The following CACNA1H variants were observed in gnomAD, a reference collection of about 807,000 sequenced individuals.
CACNA1H encodes the protein voltage-dependent T-type calcium channel subunit alpha-1H.
CACNA1H carries 149 observed loss-of-function variants against 192.5 expected under a neutral mutation model. The observed-to-expected ratio is 0.77, with a 90% CI of 0.68 to 0.89. CACNA1H has a LOEUF of 0.89. Ranked by LOEUF, CACNA1H falls within the 40% of genes least tolerant of loss-of-function variation. The probability of loss-of-function intolerance (pLI) is 0.00; values close to 1 mark genes in which losing one functional copy is unlikely to be tolerated. For missense variants in CACNA1H, 4,257 were observed against 3,423.5 expected, an observed-to-expected ratio of 1.24 and a Z score of -6.08; for synonymous variants, 2,202 against 1,475.2, an observed-to-expected ratio of 1.49 and a Z score of -11.29.
In CACNA1H at chr16:1,204,518, C is replaced by T. The variant is rs369811768; in HGVS notation, c.2451+60C>T. The T allele has an allele frequency of 8.3e-5, 113 of 1,366,750 alleles. 3 individuals carry two copies. Among genetic ancestry groups the T allele is most frequent in the East Asian group, 6.6e-4 (28 of 42,740 alleles). 84.7% of individuals were successfully genotyped at this position (1,366,750 alleles called of 1,614,324 possible). Reference sequence around the variant, plus strand: ...GTCAGGCTTGCAGGGCCTGGGGAGTCTCAGGAGGCTTCCAGCAGCCCCGAT... The same window carrying T: ...GTCAGGCTTGCAGGGCCTGGGGAGTTTCAGGAGGCTTCCAGCAGCCCCGAT... On this transcript the variant is annotated intron_variant, in intron 10 of 34. Coordinates refer to ENST00000348261, the MANE Select transcript of CACNA1H (RefSeq NM_021098.3).
chr16:1,158,494 C>T (rs1354191310), intron 2 of CACNA1H, among the ~76,000 whole-genome samples: 1 of 152,200 alleles, frequency 6.6e-6, no homozygotes, highest in Admixed American at 6.5e-5. Context: ...CATTCCCTCC[C>T]CTTCATGGAA....
At chr16:1,209,968 A>G in intron 17 of CACNA1H, 67 bp from the exon 18 acceptor site, 6 of 1,210,288 alleles carry the variant, frequency 5.0e-6, no homozygotes, top group Non-Finnish European at 7.0e-6. Flanking sequence ...AGCTGAGCAC[A>G]GAGGGCCCTG....
At chr16:1,197,141 C>T (rs985048388) in intron 5 of CACNA1H, among the ~76,000 whole-genome samples, 3 of 152,234 alleles carry the variant, frequency 2.0e-5, no homozygotes, top group Admixed American at 6.5e-5. Flanking sequence ...TGCCTTCCAC[C>T]TGCCTGCCTT....
In CACNA1H at chr16:1,210,631, G is replaced by A. The variant is rs747265858; in HGVS notation, c.4018G>A (p.Val1340Met). ...VSNYIFTAIFVAEMMVKVVAL... is the reference protein window; with the variant it reads ...VSNYIFTAIFMAEMMVKVVAL... ...CAATTACATCTTCACGGCCATCTTC[G>A]TGGCGGAGATGATGGTGAAGGTACC... The change falls in exon 20 of 35, where the codon GTG (valine) becomes ATG (methionine). Residue 1340 changes from valine (V) to methionine (M), a missense_variant. Val to Met is a conservative substitution (Grantham distance 21, BLOSUM62 1). Coordinates refer to ENST00000348261, the MANE Select transcript of CACNA1H (RefSeq NM_021098.3). 70 of 1,605,628 alleles carry A rather than the reference G, an allele frequency of 4.4e-5. No homozygotes were observed. Among genetic ancestry groups the A allele is most frequent in the African/African-American group, 1.2e-4 (9 of 74,902 alleles).
Position 1,204,167 on chromosome 16 carries a change from A to G in CACNA1H, c.2160A>G (p.Gly720=). 1 of 1,612,338 alleles carries G rather than the reference A, an allele frequency of 6.2e-7. No homozygotes were observed. Among genetic ancestry groups the G allele is most frequent in the South Asian group, 1.1e-5 (1 of 91,060 alleles). The change falls in exon 10 of 35, where the codon GGA becomes GGG. Residue 720 remains glycine (G), a synonymous_variant. Coordinates refer to ENST00000348261, the MANE Select transcript of CACNA1H (RefSeq NM_021098.3). ...PEGELSGSES[G]DSDGRGVYEF... Reference sequence around the variant, plus strand: ...GTGAGCTCAGCGGCTCGGAAAGTGGAGACTCAGATGGCCGTGGCGTCTATG... The same window carrying G: ...GTGAGCTCAGCGGCTCGGAAAGTGGGGACTCAGATGGCCGTGGCGTCTATG...
intron 2 of CACNA1H, among the ~76,000 whole-genome samples, chr16:1,172,056 C>A (rs1305628244): frequency 1.3e-5 from 2 of 150,856 alleles, no homozygotes; most frequent in African/African-American, 2.4e-5. Flanking sequence ...TCCCCAGCAG[C>A]CTTCACTGAA....
At chr16:1,197,572 G>C (rs118146757) in intron 5 of CACNA1H, among the ~76,000 whole-genome samples, 23 of 152,198 alleles carry the variant, frequency 1.5e-4, no homozygotes, top group African/African-American at 4.8e-4. Flanking sequence ...GCTGCATCCT[G>C]TTCTGTTGGC....
intron 26 of CACNA1H, 52 bp from the exon 27 acceptor site, chr16:1,213,728 A>G (rs1209866720): frequency 8.4e-6 from 12 of 1,421,358 alleles, no homozygotes; most frequent in Admixed American, 5.6e-5. Flanking sequence ...TGCAGGAGCC[A>G]GGAGCGCCGG....
intron 25 of CACNA1H, 31 bp from the exon 26 acceptor site, chr16:1,212,480 C>G: frequency 6.2e-7 from 1 of 1,606,180 alleles, no homozygotes; most frequent in Admixed American, 1.7e-5. Context: ...GCCACGCCCT[C>G]GGCCCTCAGA....
At chr16:1,204,651 C>T (rs1456295816) in intron 10 of CACNA1H, among the ~76,000 whole-genome samples, 193 bp downstream of exon 10, 1 of 152,192 alleles carries the variant, frequency 6.6e-6, no homozygotes, top group African/African-American at 2.4e-5. Flanking sequence ...TCCTTGGATT[C>T]CTGGCCTCCT....
Position 1,195,953 on chromosome 16 carries a change from C to T in CACNA1H, c.573C>T (p.His191=). 6.2e-7 allele frequency: 1 copy of T among 1,613,154 alleles called. No homozygotes were observed. Among genetic ancestry groups the T allele is most frequent in the Non-Finnish European group, 8.5e-7 (1 of 1,179,834 alleles). Reference sequence around the variant, plus strand: ...TGATGGAGTACTCGTTGGACGGACACAACGTGAGCCTCTCGGCTATCAGGA... The same window carrying T: ...TGATGGAGTACTCGTTGGACGGACATAACGTGAGCCTCTCGGCTATCAGGA... ...AGMMEYSLDG[H]NVSLSAIRTV... Residue 191 remains histidine, a synonymous_variant, in exon 5 of 35, where the codon CAC becomes CAT. Transcript: ENST00000348261.
chr16:1,207,280 G>T lies in CACNA1H; in HGVS notation c.2913G>T (p.Leu971=). The T allele has an allele frequency of 6.2e-7, 1 of 1,606,696 alleles. No individual in the cohort carries two copies. The highest frequency in any genetic ancestry group is 8.5e-7 in the Non-Finnish European group (1 of 1,176,246). ...GGCCCCCTGCTATCCCCCAGATCCT[G>T]ACCCAGGAGGACTGGAACGTGGTCC... ...LWAIVTVFQI[L]TQEDWNVVLY... Residue 971 remains leucine (L), a synonymous_variant, in exon 14 of 35, where the codon CTG becomes CTT. Coordinates refer to ENST00000348261, the MANE Select transcript of CACNA1H (RefSeq NM_021098.3).
Position 1,208,198 on chromosome 16 carries a change from C to G in CACNA1H, c.3340C>G (p.Pro1114Ala). ...RRGSSSSGDP[P>A]LGDQKPPASL... ...TGGCAGCAGCAGCTCCGGGGACCCG[C>G]CACTGGGAGACCAGAAGCCTCCGGT... is the stretch of plus-strand genomic sequence containing the variant. The change falls in exon 16 of 35, where the codon CCA (proline) becomes GCA (alanine). Residue 1114 changes from proline to alanine, a missense_variant. Physicochemically the swap from Pro to Ala is conservative, Grantham distance 27. Coordinates refer to ENST00000348261, the MANE Select transcript of CACNA1H (RefSeq NM_021098.3). 1.9e-6 allele frequency: 3 copies of G among 1,564,374 alleles called. No homozygotes were observed. The highest frequency in any genetic ancestry group is 2.6e-6 in the Non-Finnish European group (3 of 1,157,150).
chr16:1,206,318 C>T, intron 12 of CACNA1H, 29 bp downstream of exon 12: 2 of 1,543,230 alleles, frequency 1.3e-6, no homozygotes, highest in South Asian at 1.2e-5. Context: ...CCGGCCCGCC[C>T]AGTGTCTCAC....
At chr16:1,161,486 C>T (rs1377320242) in intron 2 of CACNA1H, among the ~76,000 whole-genome samples, 2 of 152,168 alleles carry the variant, frequency 1.3e-5, no homozygotes, top group African/African-American at 4.8e-5. Context: ...GCAAGGTGGT[C>T]TTTAGTAGCC....
intron 30 of CACNA1H, among the ~76,000 whole-genome samples, 195 bp from the exon 31 acceptor site, chr16:1,216,737 C>T (rs1393371502): frequency 2.6e-5 from 4 of 152,214 alleles, no homozygotes; most frequent in Non-Finnish European, 5.9e-5. Flanking sequence ...TCATGGTGCC[C>T]CGAGAGGGGC....
intron 2 of CACNA1H, among the ~76,000 whole-genome samples, chr16:1,192,562 G>A (rs150765202): frequency 2.6e-5 from 4 of 152,374 alleles, no homozygotes; most frequent in African/African-American, 9.6e-5. Context: ...AGGCCATGCC[G>A]TAGCTTTAGC....
intron 6 of CACNA1H, 114 bp downstream of exon 6, chr16:1,198,888 C>T (rs542332391): frequency 4.5e-5 from 43 of 950,844 alleles, no homozygotes; most frequent in Middle Eastern, 3.1e-4. Context: ...TGCAGTCACC[C>T]GCCCCGCCAC....
rs59529743 is a variant in CACNA1H at position 1,208,189 on chromosome 16, G to A, written c.3331G>A (p.Gly1111Arg). ...CTCTCGGCGTGGCAGCAGCAGCTCC[G>A]GGGACCCGCCACTGGGAGACCAGAA... Reference protein sequence around the residue: ...PDSRRGSSSSGDPPLGDQKPP... With the variant: ...PDSRRGSSSSRDPPLGDQKPP... The change falls in exon 16 of 35, where the codon GGG (glycine) becomes AGG (arginine). Residue 1111 changes from glycine to arginine, a missense_variant. Gly to Arg is a moderately radical substitution (Grantham distance 125). Transcript: ENST00000348261. The A allele has an allele frequency of 1.1e-3, 1,695 of 1,550,434 alleles. 16 individuals carry two copies. In the African/African-American group the frequency reaches 0.018, roughly 17 times the overall value.
Sources: gnomAD v4.1 joint callset for allele counts (sites outside exome capture counted in the v4.1 genomes callset) on GRCh38, gnomAD v4.1.1 for gene constraint, MANE v1.5 for transcripts, NCBI Gene and HGNC (gene_info 2026-07-23, HGNC 2026-07-21) for gene names.